The following ANKS1B variants were observed in gnomAD, a reference collection of about 807,000 sequenced individuals.
ANKS1B encodes ankyrin repeat and sterile alpha motif domain containing 1B, also known as ankyrin repeat and sterile alpha motif domain-containing protein 1B.
Under a neutral mutation model 148.3 loss-of-function variants are expected in ANKS1B, and 36 were observed. The observed-to-expected ratio is 0.24, with a 90% CI of 0.19 to 0.32. ANKS1B has a LOEUF of 0.32. Ranked by LOEUF, ANKS1B falls within the 10% of genes least tolerant of loss-of-function variation. The pLI is 1.00. For missense variants in ANKS1B, 1,157 were observed against 1,542.6 expected (o/e 0.75, Z 4.19); for synonymous variants, 542 against 560.8 (o/e 0.97, Z 0.47).
chr12:99,551,150 T>C (rs1446938571), intron 9 of ANKS1B, among the ~76,000 whole-genome samples: 1 of 152,170 alleles, frequency 6.6e-6, no homozygotes, highest in Non-Finnish European at 1.5e-5. Context: ...TTCAGTAGTG[T>C]AAACAAAACA....
intron 8 of ANKS1B, among the ~76,000 whole-genome samples, chr12:99,742,837 C>CAA (rs57232737): frequency 5.0e-5 from 6 of 119,548 alleles, no homozygotes; most frequent in African/African-American, 6.4e-5. Context: ...GACTCTGTCT[C>CAA]AAAAAAAAAA....
At position 99,443,709 on chromosome 12, in the gene ANKS1B, A is replaced by C. The variant is rs769537731; in HGVS notation, c.1539T>G (p.Thr513=). The part of the protein sequence containing the change: ...TPDCSPPSPD[T]ALKNIVKVIR... ...TGACTTTTACAATATTTTTGAGGGC[A>C]GTATCAGGGGATGGAGGTGAACAAT... The change falls in exon 11 of 27, where the codon ACT becomes ACG. Residue 513 remains threonine (T), a synonymous_variant. Transcript: ENST00000683438. 2.5e-6 allele frequency: 4 copies of C among 1,612,254 alleles called. No individual in the cohort carries two copies. In the Admixed American group the frequency reaches 5.0e-5, roughly 20 times the overall value.
chr12:99,804,139 G>A (rs1311271734), intron 4 of ANKS1B, among the ~76,000 whole-genome samples: 4 of 152,196 alleles, frequency 2.6e-5, no homozygotes, highest in African/African-American at 9.6e-5. Flanking sequence ...ACTGACCTCA[G>A]TCAGAGGGGA....
intron 9 of ANKS1B, among the ~76,000 whole-genome samples, chr12:99,552,428 T>C (rs568888969): frequency 4.5e-4 from 68 of 152,320 alleles, no homozygotes; most frequent in Admixed American, 1.1e-3. Flanking sequence ...GAGGGCAAGT[T>C]TCATGTCTGT....
intron 11 of ANKS1B, among the ~76,000 whole-genome samples, chr12:99,414,764 T>C (rs1303555554): frequency 1.3e-5 from 2 of 152,286 alleles, no homozygotes; most frequent in East Asian, 1.9e-4. Flanking sequence ...CAAACCACCA[T>C]AGCACATGTA....
intron 17 of ANKS1B, among the ~76,000 whole-genome samples, chr12:99,034,252 G>A (rs1307835901): frequency 6.6e-6 from 1 of 152,212 alleles, no homozygotes; most frequent in Non-Finnish European, 1.5e-5. Context: ...AGGGCAGAGA[G>A]CAGAGTAGAG....
At chr12:98,749,316 C>A (rs2098005932) in intron 26 of ANKS1B, among the ~76,000 whole-genome samples, 2 of 151,706 alleles carry the variant, frequency 1.3e-5, no homozygotes, top group African/African-American at 4.8e-5. Flanking sequence ...ACCGTGTTAG[C>A]CAGGAGAATC....
chr12:99,443,042 AT>A (rs1282534194), intron 11 of ANKS1B, among the ~76,000 whole-genome samples: 1 of 151,918 alleles, frequency 6.6e-6, no homozygotes, highest in Admixed American at 6.6e-5. Context: ...TCCCAATGAT[AT>A]TTCTAAAGCT....
At chr12:99,468,079 A>T (rs2096163124) in intron 10 of ANKS1B, among the ~76,000 whole-genome samples, 1 of 152,216 alleles carries the variant, frequency 6.6e-6, no homozygotes, top group African/African-American at 2.4e-5. Context: ...TGGTACTGGT[A>T]CCAAAACAGA....
At chr12:99,578,072 A>C (rs1264436568) in intron 9 of ANKS1B, among the ~76,000 whole-genome samples, 1 of 152,210 alleles carries the variant, frequency 6.6e-6, no homozygotes, top group Non-Finnish European at 1.5e-5. Flanking sequence ...CAATATGCAC[A>C]AATCAATAAA....
At chr12:99,657,598 G>A (rs1002719299) in intron 8 of ANKS1B, among the ~76,000 whole-genome samples, 1 of 150,134 alleles carries the variant, frequency 6.7e-6, no homozygotes, top group Non-Finnish European at 1.5e-5. Flanking sequence ...CAGATCCTTT[G>A]AGTAAAATAA....
intron 9 of ANKS1B, among the ~76,000 whole-genome samples, chr12:99,638,239 C>T (rs2098262977): frequency 6.6e-6 from 1 of 152,026 alleles, no homozygotes; most frequent in Non-Finnish European, 1.5e-5. Flanking sequence ...TTCGAGGGCC[C>T]AGAAGACAGG....
At chr12:98,934,558 A>G (rs562827117) in intron 17 of ANKS1B, among the ~76,000 whole-genome samples, 2 of 152,290 alleles carry the variant, frequency 1.3e-5, no homozygotes, top group African/African-American at 2.4e-5. Context: ...TGCTTTGAGA[A>G]GTATGAACAT....
chr12:99,417,645 A>G (rs367872982), intron 11 of ANKS1B, among the ~76,000 whole-genome samples: 6 of 152,152 alleles, frequency 3.9e-5, no homozygotes, highest in East Asian at 1.9e-4. Context: ...AACAATTTAC[A>G]TCTTTGCTAC....
chr12:99,703,027 G>A (rs371501594), intron 8 of ANKS1B, among the ~76,000 whole-genome samples: 1 of 151,982 alleles, frequency 6.6e-6, no homozygotes, highest in Admixed American at 6.6e-5. Flanking sequence ...TTGCAATTTA[G>A]ATTTCATTCT....
rs555933538 is a variant in ANKS1B, at chr12:99,208,678, T to C, written c.2419+35664A>G. Among the ~76,000 whole-genome samples, 7 of 152,310 alleles carry C rather than the reference T, an allele frequency of 4.6e-5. No individual in the cohort carries two copies. In the East Asian group the frequency reaches 9.7e-4, roughly 21 times the overall value. On this transcript the variant is annotated intron_variant, in intron 14 of 26. Transcript: ENST00000683438. ...AGTTCCAGAACTCTGGTGAAGAAAC[T>C]GGAGGCTTCATGAAACTGCCAACCA...
chr12:99,079,056 C>G (rs191670607), intron 16 of ANKS1B, among the ~76,000 whole-genome samples: 2 of 152,134 alleles, frequency 1.3e-5, no homozygotes, highest in African/African-American at 2.4e-5. Flanking sequence ...GTCCGAAAAT[C>G]CCTAAGAGCC....
At chr12:98,923,589 G>A (rs1228323336) in intron 17 of ANKS1B, among the ~76,000 whole-genome samples, 1 of 152,158 alleles carries the variant, frequency 6.6e-6, no homozygotes, top group Non-Finnish European at 1.5e-5. Flanking sequence ...GTTGAATGGA[G>A]TACCTACACT....
intron 17 of ANKS1B, among the ~76,000 whole-genome samples, chr12:99,009,498 C>T (rs539676256): frequency 4.5e-4 from 69 of 152,262 alleles, no homozygotes; most frequent in Middle Eastern, 3.4e-3. Context: ...CATCCATCTG[C>T]GACTCTCCTT....
Sources: allele counts gnomAD v4.1 joint callset (sites outside exome capture counted in the v4.1 genomes callset), GRCh38; gene constraint gnomAD v4.1.1; transcripts MANE v1.5; gene names NCBI Gene and HGNC (gene_info 2026-07-23, HGNC 2026-07-21).